Variants in MBNL1 observed in about 807,000 individuals in gnomAD.
MBNL1 encodes muscleblind-like protein 1.
MBNL1 carries 8 observed loss-of-function variants against 42.2 expected under a neutral mutation model. The ratio of observed to expected loss-of-function variants is 0.19; its 90% CI spans 0.11 to 0.34. MBNL1 has a LOEUF of 0.34. MBNL1 is among the 10% of genes least tolerant of loss of function. The probability of loss-of-function intolerance (pLI) is 1.00; values close to 1 mark genes in which losing one functional copy is unlikely to be tolerated. For missense variants in MBNL1, 309 were observed against 495.3 expected, an observed-to-expected ratio of 0.62 and a Z score of 3.57; for synonymous variants, 169 against 173.9, an observed-to-expected ratio of 0.97 and a Z score of 0.22.
chr3:152,399,741 G>C (rs2098133984), intron 2 of MBNL1, among the ~76,000 whole-genome samples: 1 of 152,076 alleles, frequency 6.6e-6, no homozygotes, highest in Admixed American at 6.6e-5. Context: ...GAGCTGAAGT[G>C]ACCCTCCTAT....
At chr3:152,316,382 C>T (rs1297202513) in intron 2 of MBNL1, among the ~76,000 whole-genome samples, 3 of 152,268 alleles carry the variant, frequency 2.0e-5, no homozygotes, top group Admixed American at 1.3e-4. Context: ...CTTTCTTTTG[C>T]CTAGTGATCA....
chr3:152,437,777 C>CT (rs5853584), intron 4 of MBNL1, among the ~76,000 whole-genome samples: 129,830 of 145,426 alleles, frequency 0.89, 58,141 homozygotes, highest in East Asian at 0.99. Context: ...AAAATTCATA[C>CT]TTTTTTTTTT....
At chr3:152,373,791 G>A (rs961870647) in intron 2 of MBNL1, among the ~76,000 whole-genome samples, 2 of 152,288 alleles carry the variant, frequency 1.3e-5, no homozygotes, top group Admixed American at 6.5e-5. Flanking sequence ...TTACTTTTAA[G>A]TGATTAGGTT....
intron 1 of MBNL1, chr3:152,269,492 C>T: frequency 4.4e-6 from 2 of 454,958 alleles, no homozygotes; most frequent in Non-Finnish European, 8.8e-6. Flanking sequence ...GCGGGTCTTC[C>T]CGGCGGCTCC....
chr3:152,268,547 G>C (rs1181414909), upstream of MBNL1: 12 of 349,922 alleles, frequency 3.4e-5, no homozygotes, highest in South Asian at 2.5e-4. Flanking sequence ...GTCGGTAGAA[G>C]AAGCGGGAGG....
chr3:152,384,736 C>A (rs2097336981), intron 2 of MBNL1, among the ~76,000 whole-genome samples: 1 of 152,054 alleles, frequency 6.6e-6, no homozygotes, highest in Non-Finnish European at 1.5e-5. Flanking sequence ...ACTTTGAAAT[C>A]TTAATTTGCA....
At chr3:152,421,665 G>A (rs901180161) in intron 3 of MBNL1, among the ~76,000 whole-genome samples, 1 of 152,112 alleles carries the variant, frequency 6.6e-6, no homozygotes, top group African/African-American at 2.4e-5. Context: ...AGGTTTAAAT[G>A]AAGGAAAAAT....
At chr3:152,422,505 A>C (rs531644027) in intron 3 of MBNL1, among the ~76,000 whole-genome samples, 3 of 152,178 alleles carry the variant, frequency 2.0e-5, no homozygotes, top group Non-Finnish European at 2.9e-5. Context: ...ATAATGGGAG[A>C]CTTTAACACC....
chr3:152,296,718 C>T (rs2058681031), intron 1 of MBNL1, among the ~76,000 whole-genome samples: 6 of 150,422 alleles, frequency 4.0e-5, no homozygotes, highest in Non-Finnish European at 8.9e-5. Flanking sequence ...ATGTATGTTT[C>T]AGTGTGTTCA....
At chr3:152,404,656 A>G (rs1000036446) in intron 2 of MBNL1, among the ~76,000 whole-genome samples, 8 of 151,662 alleles carry the variant, frequency 5.3e-5, no homozygotes, top group African/African-American at 2.4e-5. Flanking sequence ...GTCTAACTTT[A>G]TATCTTTAAT....
At chr3:152,407,461 G>T (rs2098460822) in intron 2 of MBNL1, among the ~76,000 whole-genome samples, 1 of 152,044 alleles carries the variant, frequency 6.6e-6, no homozygotes, top group African/African-American at 2.4e-5. Context: ...CTGTGGGGAT[G>T]CTAGGCATTT....
chr3:152,459,280 A>C lies in MBNL1; in HGVS notation c.1102A>C (p.Ile368Leu). The change falls in exon 9 of 10, where the codon ATA (isoleucine) becomes CTA (leucine). Residue 368 changes from isoleucine (I) to leucine (L), a missense_variant. Ile to Leu is a conservative substitution (Grantham distance 5, BLOSUM62 2). Coordinates refer to ENST00000324210, the MANE Select transcript of MBNL1 (RefSeq NM_021038.5). ...ATTTTTTATTTGCTAGATACCCATAATATCTGCCGAACATCTGACTAGCCA... is the reference window on the plus strand; with the variant it reads ...ATTTTTTATTTGCTAGATACCCATACTATCTGCCGAACATCTGACTAGCCA... ...ATATANQIPI[I>L]SAEHLTSHKY... 1 of 1,582,884 alleles carries C rather than the reference A, an allele frequency of 6.3e-7. No individual in the cohort carries two copies. Among genetic ancestry groups the C allele is most frequent in the Non-Finnish European group, 8.6e-7 (1 of 1,163,256 alleles).
intron 2 of MBNL1, among the ~76,000 whole-genome samples, chr3:152,394,311 GTCTT>G (rs1169265005): frequency 1.1e-4 from 16 of 152,208 alleles, no homozygotes; most frequent in Admixed American, 6.5e-4. Flanking sequence ...AGTGAGAAGA[GTCTT>G]TCACAGACTG....
chr3:152,397,302 C>T (rs1327155788), intron 2 of MBNL1, among the ~76,000 whole-genome samples: 1 of 152,148 alleles, frequency 6.6e-6, no homozygotes, highest in Non-Finnish European at 1.5e-5. Flanking sequence ...TGGTTTGCTG[C>T]ACCCATCAAC....
At chr3:152,249,539 T>C (rs2034101937) in intron 2 of MBNL1, among the ~76,000 whole-genome samples, 3 of 129,360 alleles carry the variant, frequency 2.3e-5, no homozygotes, top group Non-Finnish European at 1.7e-5. Context: ...GATGAGTAGG[T>C]TGCGAAAATT....
At position 152,464,842 on chromosome 3, in the gene MBNL1, A is replaced by G. The variant is rs1325951152; in HGVS notation, c.*2476A>G. ...TTCTGTATATAGTCAAAAGAGAGAA[A>G]CCTGTATAATAGTAAGATCTTATTT... On this transcript the variant is annotated 3_prime_UTR_variant, in exon 10 of 10. Transcript: ENST00000324210. 1 of 152,614 alleles carries G rather than the reference A, an allele frequency of 6.6e-6. No homozygotes were observed. The highest frequency in any genetic ancestry group is 1.5e-5 in the Non-Finnish European group (1 of 68,016). The allele number at this position is 152,614 out of a possible 1,614,324, so 9.5% of individuals were successfully genotyped here.
At chr3:152,295,764 G>C (rs1295533851) in intron 1 of MBNL1, among the ~76,000 whole-genome samples, 9 of 152,216 alleles carry the variant, frequency 5.9e-5, no homozygotes, top group Non-Finnish European at 1.2e-4. Flanking sequence ...GCAGGGGTGA[G>C]GAAGTGTGTG....
intron 2 of MBNL1, among the ~76,000 whole-genome samples, chr3:152,261,013 G>A (rs757145363): frequency 5.9e-5 from 9 of 152,054 alleles, no homozygotes; most frequent in Non-Finnish European, 1.2e-4. Context: ...AACTTTACTT[G>A]CCAAAGGAAA....
intron 8 of MBNL1, among the ~76,000 whole-genome samples, chr3:152,456,679 A>C (rs893148555): frequency 1.3e-5 from 2 of 152,214 alleles, no homozygotes; most frequent in African/African-American, 4.8e-5. Context: ...AGGTATTTTG[A>C]CCAATCAAAA....
Sources: allele counts gnomAD v4.1 joint callset (sites outside exome capture counted in the v4.1 genomes callset), GRCh38; gene constraint gnomAD v4.1.1; transcripts MANE v1.5; gene names NCBI Gene and HGNC (gene_info 2026-07-23, HGNC 2026-07-21).